Variants in MELTF observed in about 807,000 individuals in gnomAD.
The protein encoded by MELTF is antigen p97 (melanoma associated) identified by monoclonal antibodies 133.2 and 96.5.
A neutral mutation model predicts 83.7 loss-of-function variants in MELTF; 67 were observed. The observed-to-expected ratio is 0.80, with a 90% confidence interval of 0.66 to 0.98. The LOEUF (loss-of-function observed/expected upper bound fraction) is 0.98. MELTF is among the 50% of genes least tolerant of loss of function. The probability of loss-of-function intolerance (pLI) is 0.00; values close to 1 mark genes in which losing one functional copy is unlikely to be tolerated. For missense variants in MELTF, 1,002 were observed against 1,035.6 expected, an observed-to-expected ratio of 0.97 and a Z score of 0.44; for synonymous variants, 462 against 447.6, an observed-to-expected ratio of 1.03 and a Z score of -0.41.
Position 197,015,376 on chromosome 3 carries a change from C to T in MELTF, c.1222G>A (p.Glu408Lys). The T allele has an allele frequency of 1.3e-6, 2 of 1,566,378 alleles. No individual in the cohort carries two copies. Among genetic ancestry groups the T allele is most frequent in the East Asian group, 2.4e-5 (1 of 41,820 alleles). Reference protein sequence around the residue: ...VSAKSPQHCMERIQAEQVDAV... With the variant: ...VSAKSPQHCMKRIQAEQVDAV... ...TGCGTGACTCCCACCTGGATCCGCT[C>T]CATGCAGTGTTGGGGGGACTTGGCT... is the stretch of plus-strand genomic sequence containing the variant. The change falls in exon 9 of 16, where the codon GAG becomes AAG. Residue 408 changes from glutamate (E) to lysine (K), a missense_variant. By Grantham distance (56) the Glu-to-Lys change is moderately conservative. Coordinates refer to ENST00000296350, the MANE Select transcript of MELTF (RefSeq NM_005929.6).
chr3:197,015,809 AAT>A (rs957353807), intron 8 of MELTF, among the ~76,000 whole-genome samples: 1 of 152,284 alleles, frequency 6.6e-6, no homozygotes, highest in Non-Finnish European at 1.5e-5. Context: ...AGACTACTGC[AAT>A]AGTCCAGGCG....
rs145095949 is a variant in MELTF at position 197,006,672 on chromosome 3, G to C, written c.1815C>G (p.Asn605Lys). ...ACTGGGACACCTCGGCTCGGGCCCC[G>C]TTGGGGCACAGCAGTTCATAGTCCT... ...RSEDYELLCP[N>K]GARAEVSQFA... is the part of the protein sequence containing the mutation. The change falls in exon 14 of 16, where the codon AAC becomes AAG. Residue 605 changes from asparagine (N) to lysine (K), a missense_variant. Transcript: ENST00000296350. The surrounding 1 kb of genome is among the most constrained non-coding windows in gnomAD (Gnocchi z 5.4). 3.1e-6 allele frequency: 5 copies of C among 1,592,694 alleles called. No individual in the cohort carries two copies. Among genetic ancestry groups the C allele is most frequent in the Non-Finnish European group, 4.3e-6 (5 of 1,169,990 alleles).
chr3:197,020,166 T>A (rs1719563574), intron 6 of MELTF, among the ~76,000 whole-genome samples: 1 of 152,196 alleles, frequency 6.6e-6, no homozygotes, highest in African/African-American at 2.4e-5. Flanking sequence ...GCCTGATGCT[T>A]CAAAATGCCA....
At chr3:197,005,887 T>TCAGTCTCCATCCTTAAGAGGGG (rs1560209757) in intron 14 of MELTF, among the ~76,000 whole-genome samples, 3 of 152,098 alleles carry the variant, frequency 2.0e-5, no homozygotes, top group African/African-American at 7.3e-5. Flanking sequence ...ACTTGTTAAC[T>TCAGTCTCCATCCTTAAGAGGGG]CCAGAGCAGA....
Position 197,011,978 on chromosome 3 carries a change from TTGGAAC to T in MELTF, c.1234-1190_1234-1185del. ...TGCACCTCTCCCTGCTCTGGGGCTC[TTGGAAC>T]AATAGGGCAGCCTGCCAGGCATTAG... On this transcript the variant is annotated intron_variant, in intron 9 of 15. Transcript: ENST00000296350. The surrounding 1 kb of genome is among the most constrained non-coding windows in gnomAD (Gnocchi z 4.2). Among the ~76,000 whole-genome samples, 1 of 152,276 alleles carries T rather than the reference TTGGAAC, an allele frequency of 6.6e-6. No homozygotes were observed.
rs779064137 is a variant in MELTF, at chr3:197,015,491, A to G, written c.1107T>C (p.Cys369=). The G allele has an allele frequency of 3.4e-5, 54 of 1,611,702 alleles. No homozygotes were observed. Among genetic ancestry groups the G allele is most frequent in the Non-Finnish European group, 4.4e-5 (52 of 1,179,326 alleles). Residue 369 remains cysteine, a synonymous_variant, in exon 9 of 16, where the codon TGT becomes TGC. Transcript: ENST00000296350. ...PNRLPPYLRW[C]VLSTPEIQKC... Reference sequence around the variant, plus strand: ...TCTGGATCTCGGGAGTGGAGAGCACACACCAGCGCAGGTAGGGGGGCAGCC... The same window carrying G: ...TCTGGATCTCGGGAGTGGAGAGCACGCACCAGCGCAGGTAGGGGGGCAGCC...
chr3:197,026,764 A>G lies in MELTF; in HGVS notation c.205-5T>C. ...GATGGCGTCAGCCTCCTGGGCCTGCAAGGAAATGTGGCTCAGCCAAGCCTG... is the reference window on the plus strand; with the variant it reads ...GATGGCGTCAGCCTCCTGGGCCTGCGAGGAAATGTGGCTCAGCCAAGCCTG... On this transcript the variant is annotated splice_polypyrimidine_tract_variant and splice_region_variant and intron_variant, in intron 2 of 15. Transcript: ENST00000296350. 1 of 1,611,030 alleles carries G rather than the reference A, an allele frequency of 6.2e-7. No homozygotes were observed.
intron 9 of MELTF, among the ~76,000 whole-genome samples, chr3:197,013,455 G>A (rs529710301): frequency 1.3e-5 from 2 of 152,290 alleles, no homozygotes; most frequent in East Asian, 1.9e-4. Flanking sequence ...CAGGACATTG[G>A]TCTGAGAAAA....
Position 197,024,485 on chromosome 3 carries a change from T to G in MELTF, c.305A>C (p.Glu102Ala). 1 of 1,571,152 alleles carries G rather than the reference T, an allele frequency of 6.4e-7. No homozygotes were observed. Residue 102 changes from glutamate (E) to alanine (A), a missense_variant and splice_region_variant, in exon 4 of 16, where the codon GAG becomes GCG. Transcript: ENST00000296350. The surrounding 1 kb of genome is among the most constrained non-coding windows in gnomAD (Gnocchi z 5.3). The stretch of plus-strand genomic sequence containing the variant: ...CACGGCGTAATAGGAGGTACCGACC[T>G]CTAGGAGGGGAGGGGAGTGGGTGAG... Reference protein sequence around the residue: ...KPVVGEVYDQEVGTSYYAVAV... With the variant: ...KPVVGEVYDQAVGTSYYAVAV...
At chr3:197,017,642 C>T (rs1291835357) in intron 6 of MELTF, among the ~76,000 whole-genome samples, 2 of 152,196 alleles carry the variant, frequency 1.3e-5, no homozygotes, top group Non-Finnish European at 1.5e-5. Context: ...CTTTGGGAGG[C>T]CGAGGTGGGC....
Position 197,010,732 on chromosome 3 carries a change from G to A in MELTF, c.1296C>T (p.Tyr432=), listed in dbSNP as rs768820738. Residue 432 remains tyrosine, a synonymous_variant, in exon 10 of 16, where the codon TAC becomes TAT. Coordinates refer to ENST00000296350, the MANE Select transcript of MELTF (RefSeq NM_005929.6). ...GEDIYTAGKT[Y]GLVPAAGEHY... is the part of the protein sequence containing the mutation. ...GCTCCCCGGCTGCGGGAACCAGGCC[G>A]TACGTCTTCCCCGCCGTGTAAATGT... 19 of 1,613,640 alleles carry A rather than the reference G, an allele frequency of 1.2e-5. 1 individual carries two copies. The highest frequency in any genetic ancestry group is 9.9e-5 in the South Asian group (9 of 91,088).
chr3:197,008,510 C>A lies in MELTF; in HGVS notation c.1750+147G>T. On this transcript the variant is annotated intron_variant, in intron 13 of 15. Coordinates refer to ENST00000296350, the MANE Select transcript of MELTF (RefSeq NM_005929.6). The surrounding 1 kb of genome is among the most constrained non-coding windows in gnomAD (Gnocchi z 5.4). Reference sequence around the variant, plus strand: ...TGTTCTTACCCTGTGACCCTTGGGGCTCCCAGCTTCCCAGGGGGCACAGCC... The same window carrying A: ...TGTTCTTACCCTGTGACCCTTGGGGATCCCAGCTTCCCAGGGGGCACAGCC... The A allele has an allele frequency of 1.2e-6, 1 of 843,342 alleles. No homozygotes were observed. Among genetic ancestry groups the A allele is most frequent in the Non-Finnish European group, 1.8e-6 (1 of 547,442 alleles). 52.2% of individuals were successfully genotyped at this position (843,342 alleles called of 1,614,324 possible).
chr3:197,002,459 C>T lies in MELTF; in HGVS notation c.*913G>A, dbSNP rs555995454. The T allele has an allele frequency of 6.6e-6, 1 of 152,422 alleles. No individual in the cohort carries two copies. The highest frequency in any genetic ancestry group is 1.9e-4 in the East Asian group (1 of 5,174). 9.4% of individuals were successfully genotyped at this position (152,422 alleles called of 1,614,324 possible). A position where few individuals can be genotyped will look rare whatever the true frequency, so the allele number is the denominator to read the frequency against. ...GGCGGGCACGGGGAGTGAGGGGTCC[C>T]CAGGCCCAGCGGGTGCGGGGCCGGG... On this transcript the variant is annotated 3_prime_UTR_variant, in exon 16 of 16. Transcript: ENST00000296350.
intron 1 of MELTF, chr3:197,028,153 C>T: frequency 2.0e-6 from 1 of 506,034 alleles, no homozygotes; most frequent in Non-Finnish European, 3.6e-6. Context: ...CAGAACCCGG[C>T]CCTTTATGGA....
chr3:197,003,313 G>A lies in MELTF; in HGVS notation c.*59C>T, dbSNP rs1363877209. 1.9e-5 allele frequency: 20 copies of A among 1,037,532 alleles called. No homozygotes were observed. The highest frequency in any genetic ancestry group is 2.3e-5 in the Non-Finnish European group (20 of 866,138). 64.3% of individuals were successfully genotyped at this position (1,037,532 alleles called of 1,614,324 possible). ...CGAGCTTCCTTCTGGATTCCAGCGC[G>A]AAGCCGCCGCGGAAACTCCCCGGGC... On this transcript the variant is annotated 3_prime_UTR_variant, in exon 16 of 16. Coordinates refer to ENST00000296350, the MANE Select transcript of MELTF (RefSeq NM_005929.6). This position sits in a 1 kb window ranked among gnomAD's most constrained non-coding sequence, Gnocchi z 6.2.
At position 197,027,782 on chromosome 3, in the gene MELTF, C is replaced by A; in HGVS notation, c.178G>T (p.Ala60Ser). 2 of 1,610,576 alleles carry A rather than the reference C, an allele frequency of 1.2e-6. No homozygotes were observed. The highest frequency in any genetic ancestry group is 1.1e-5 in the South Asian group (1 of 90,598). Residue 60 changes from alanine (A) to serine (S), a missense_variant, in exon 2 of 16, where the codon GCC (alanine) becomes TCC (serine). Ala to Ser is a moderately conservative substitution (Grantham distance 99). Coordinates refer to ENST00000296350, the MANE Select transcript of MELTF (RefSeq NM_005929.6). Reference sequence around the variant, plus strand: ...GCGATGAGCTGGACGCAGTGGTCGGCGGAGGTGCCCCGGACGCAGAGGAGG... The same window carrying A: ...GCGATGAGCTGGACGCAGTGGTCGGAGGAGGTGCCCCGGACGCAGAGGAGG... ...PSLLCVRGTS[A>S]DHCVQLIAAQ... is the part of the protein sequence containing the mutation.
chr3:197,021,831 C>T (rs1402085459), intron 5 of MELTF, among the ~76,000 whole-genome samples: 5 of 152,094 alleles, frequency 3.3e-5, no homozygotes, highest in Admixed American at 1.3e-4. Context: ...ACTCTCAGGG[C>T]GTCGGTTTTC....
At chr3:197,027,040 G>A (rs1030092169) in intron 2 of MELTF, 8 of 418,872 alleles carry the variant, frequency 1.9e-5, no homozygotes, top group Middle Eastern at 6.8e-4. Context: ...AAAACGGTGC[G>A]CAGTGACAAG....
At position 197,008,564 on chromosome 3, in the gene MELTF, C is replaced by T; in HGVS notation, c.1750+93G>A. 1 of 1,416,518 alleles carries T rather than the reference C, an allele frequency of 7.1e-7. No homozygotes were observed. Among genetic ancestry groups the T allele is most frequent in the South Asian group, 1.3e-5 (1 of 76,750 alleles). The allele number at this position is 1,416,518 out of a possible 1,614,324, so 87.7% of individuals were successfully genotyped here. On this transcript the variant is annotated intron_variant, in intron 13 of 15. Transcript: ENST00000296350. This position sits in a 1 kb window ranked among gnomAD's most constrained non-coding sequence, Gnocchi z 5.4. Reference sequence around the variant, plus strand: ...TAGACTCAGCCTCTCTGAGCTGCTGCTTGGCCCCAGCCCAGCATGGTGTCT... The same window carrying T: ...TAGACTCAGCCTCTCTGAGCTGCTGTTTGGCCCCAGCCCAGCATGGTGTCT...
Sources: gnomAD v4.1 joint callset for allele counts (sites outside exome capture counted in the v4.1 genomes callset) on GRCh38, gnomAD v4.1.1 for gene constraint, Gnocchi (gnomAD v3.1) non-coding constraint, MANE v1.5 for transcripts, NCBI Gene and HGNC (gene_info 2026-07-23, HGNC 2026-07-21) for gene names.